The following TMPRSS3 variants were observed in gnomAD, a reference collection of about 807,000 sequenced individuals.
The protein encoded by TMPRSS3 is transmembrane protease serine 3.
TMPRSS3 carries 55 observed loss-of-function variants against 59.6 expected under a neutral mutation model. That is an observed-to-expected ratio of 0.92 (90% CI 0.74 to 1.16). The LOEUF (loss-of-function observed/expected upper bound fraction) is 1.16. Among genes scored for constraint, TMPRSS3 ranks in the 50% most tolerant of loss-of-function variants. The pLI is 0.00. For synonymous variants in TMPRSS3, 257 were observed against 237.7 expected, an observed-to-expected ratio of 1.08 and a Z score of -0.75; for missense variants, 596 against 579.4, an observed-to-expected ratio of 1.03 and a Z score of -0.29.
intron 2 of TMPRSS3, among the ~76,000 whole-genome samples, chr21:42,391,761 C>T (rs900588476): frequency 2.0e-5 from 3 of 152,204 alleles, no homozygotes; most frequent in Non-Finnish European, 4.4e-5. Flanking sequence ...CCAGGACTCT[C>T]GTGTCTTCCA....
chr21:42,390,908 G>T (rs2052724798), intron 2 of TMPRSS3, among the ~76,000 whole-genome samples: 1 of 152,232 alleles, frequency 6.6e-6, no homozygotes, highest in Non-Finnish European at 1.5e-5. Context: ...GAGCTAGGAA[G>T]AGGCAGGGCA....
At chr21:42,386,768 C>T (rs543398028) in intron 5 of TMPRSS3, among the ~76,000 whole-genome samples, 21 of 143,244 alleles carry the variant, frequency 1.5e-4, no homozygotes, top group South Asian at 1.1e-3. Flanking sequence ...CTAGCTTGAC[C>T]GTCCTTTGGT....
intron 6 of TMPRSS3, 108 bp from the exon 7 acceptor site, chr21:42,384,121 C>T: frequency 7.6e-6 from 8 of 1,047,488 alleles, no homozygotes; most frequent in South Asian, 1.4e-5. Flanking sequence ...CTATTTCCCC[C>T]TCTTTGAATA....
intron 12 of TMPRSS3, 47 bp from the exon 13 acceptor site, chr21:42,372,826 T>A (rs1261359893): frequency 1.2e-6 from 2 of 1,612,068 alleles, no homozygotes; most frequent in Admixed American, 3.3e-5. Context: ...CTTCCAGCCA[T>A]CCGTCCAACA....
chr21:42,383,478 A>G (rs1212427549), intron 7 of TMPRSS3: 16 of 563,774 alleles, frequency 2.8e-5, no homozygotes, highest in Non-Finnish European at 5.1e-5. Flanking sequence ...TCCCCATCCT[A>G]TTCCCCCAGT....
chr21:42,372,722 T>C lies in TMPRSS3; in HGVS notation c.*40A>G, dbSNP rs1029638532. 2 of 1,612,128 alleles carry C rather than the reference T, an allele frequency of 1.2e-6. No individual in the cohort carries two copies. Among genetic ancestry groups the C allele is most frequent in the Non-Finnish European group, 1.7e-6 (2 of 1,178,250 alleles). On this transcript the variant is annotated 3_prime_UTR_variant, in exon 13 of 13. Coordinates refer to ENST00000644384, the MANE Select transcript of TMPRSS3 (RefSeq NM_001256317.3). ...CCAGGGGAGGATCGGGCTGTCTTCA[T>C]CACCTCAGGAACTCAGGTGGCTACT... is the stretch of plus-strand genomic sequence containing the variant.
At chr21:42,389,628 G>A (rs2052700397) in intron 3 of TMPRSS3, among the ~76,000 whole-genome samples, 1 of 152,220 alleles carries the variant, frequency 6.6e-6, no homozygotes, top group Non-Finnish European at 1.5e-5. Flanking sequence ...CGCTGCCCCG[G>A]TCAGTGCCTC....
chr21:42,384,041 G>A, intron 6 of TMPRSS3, 28 bp from the exon 7 acceptor site: 1 of 1,612,394 alleles, frequency 6.2e-7, no homozygotes, highest in South Asian at 1.1e-5. Flanking sequence ...TAGGCTCTGT[G>A]AAAAATGCCC....
intron 2 of TMPRSS3, among the ~76,000 whole-genome samples, chr21:42,390,928 A>G (rs972135623): frequency 7.2e-5 from 11 of 152,114 alleles, no homozygotes; most frequent in South Asian, 4.1e-4. Context: ...ACGGTGCCCT[A>G]TGGGTTTAAG....
intron 7 of TMPRSS3, chr21:42,383,746 G>A (rs1482789805): frequency 1.4e-6 from 1 of 710,474 alleles, no homozygotes; most frequent in Admixed American, 2.0e-5. Flanking sequence ...CCTGTCCGCT[G>A]CTAATGAGTT....
Position 42,383,056 on chromosome 21 carries a change from G to C in TMPRSS3, c.759C>G (p.Ile253Met). The change falls in exon 8 of 13, where the codon ATC becomes ATG. Residue 253 changes from isoleucine to methionine, a missense_variant. Ile to Met is a conservative substitution (Grantham distance 10). Transcript: ENST00000644384. ...ACTCATAAACACAGTGTGCAGCAGT[G>C]ATGATCCACAGGGGCGTGATGACAG... is the stretch of plus-strand genomic sequence containing the variant. ...GGSVITPLWI[I>M]TAAHCVYDLY... The C allele has an allele frequency of 6.2e-7, 1 of 1,614,166 alleles. No individual in the cohort carries two copies. Among genetic ancestry groups the C allele is most frequent in the Non-Finnish European group, 8.5e-7 (1 of 1,180,044 alleles).
chr21:42,376,468 A>T (rs1349971243), intron 11 of TMPRSS3, 73 bp downstream of exon 11: 2 of 1,600,636 alleles, frequency 1.2e-6, no homozygotes, highest in Non-Finnish European at 1.7e-6. Flanking sequence ...TGTCACAGGG[A>T]AACGCTGGCA....
intron 12 of TMPRSS3, among the ~76,000 whole-genome samples, chr21:42,375,147 C>G (rs894287): frequency 0.55 from 82,676 of 151,196 alleles, 23,870 homozygotes; most frequent in African/African-American, 0.74. Flanking sequence ...CCCTCCATGC[C>G]CGGGTCCTGC....
At chr21:42,383,358 G>T (rs965277278) in intron 7 of TMPRSS3, 160 bp from the exon 8 acceptor site, 1 of 766,382 alleles carries the variant, frequency 1.3e-6, no homozygotes, top group Non-Finnish European at 2.2e-6. Context: ...GAGCTCAGCA[G>T]GGGAGGTGGT....
At chr21:42,395,886 T>C (rs2052800177) in intron 1 of TMPRSS3, 56 bp downstream of exon 1, 2 of 505,294 alleles carry the variant, frequency 4.0e-6, no homozygotes, top group South Asian at 2.9e-5. Context: ...TAAACGCAAT[T>C]CTTTCCCTGT....
chr21:42,378,410 G>A (rs561617558), intron 10 of TMPRSS3, among the ~76,000 whole-genome samples: 2 of 152,358 alleles, frequency 1.3e-5, no homozygotes, highest in East Asian at 1.9e-4. Flanking sequence ...TTGGAACAGG[G>A]TCTTTGCAGA....
chr21:42,374,444 G>A lies in TMPRSS3; in HGVS notation c.1344+1272C>T, dbSNP rs575935967. Reference sequence around the variant, plus strand: ...AGCACAAAATCAGTGAGAGCAAAACGGGAATTAACGCCTGAGGCACATTCA... The same window carrying A: ...AGCACAAAATCAGTGAGAGCAAAACAGGAATTAACGCCTGAGGCACATTCA... On this transcript the variant is annotated intron_variant, in intron 12 of 12. Coordinates refer to ENST00000644384, the MANE Select transcript of TMPRSS3 (RefSeq NM_001256317.3). Among the ~76,000 whole-genome samples the A allele has an allele frequency of 5.3e-5, 8 of 152,374 alleles. No individual in the cohort carries two copies. The East Asian group carries it at 7.7e-4, about 15-fold the overall frequency.
chr21:42,388,356 A>G lies in TMPRSS3; in HGVS notation c.446+47T>C, dbSNP rs976892646. 2 of 1,613,954 alleles carry G rather than the reference A, an allele frequency of 1.2e-6. No homozygotes were observed. Among genetic ancestry groups the G allele is most frequent in the Non-Finnish European group, 1.7e-6 (2 of 1,179,842 alleles). On this transcript the variant is annotated intron_variant, in intron 5 of 12. Transcript: ENST00000644384. The surrounding 1 kb of genome is among the most constrained non-coding windows in gnomAD (Gnocchi z 5.1). ...ATGGTAGTTGTCTTTCTTTATTGTT[A>G]TCCTCTCTGTGTTTTGCCCATGGGT... is the stretch of plus-strand genomic sequence containing the variant.
chr21:42,386,856 A>G (rs1006600700), intron 5 of TMPRSS3, among the ~76,000 whole-genome samples: 3 of 152,160 alleles, frequency 2.0e-5, no homozygotes, highest in African/African-American at 7.2e-5. Flanking sequence ...GAGAAGATTA[A>G]AGAAGGATTT....
Sources: gnomAD v4.1 joint callset for allele counts (sites outside exome capture counted in the v4.1 genomes callset) on GRCh38, gnomAD v4.1.1 for gene constraint, Gnocchi (gnomAD v3.1) non-coding constraint, MANE v1.5 for transcripts, NCBI Gene and HGNC (gene_info 2026-07-23, HGNC 2026-07-21) for gene names.